SOX5: variants seen among roughly 807,000 people sequenced by gnomAD.
The protein encoded by SOX5 is SRY-box transcription factor 5.
A neutral mutation model predicts 92.0 loss-of-function variants in SOX5; 9 were observed. The observed-to-expected ratio is 0.10, with a 90% CI of 0.06 to 0.17. SOX5 has a LOEUF of 0.17. Ranked by LOEUF, SOX5 falls within the 10% of genes least tolerant of loss-of-function variation. The pLI, the probability that SOX5 is intolerant of heterozygous loss-of-function variation, is 1.00. For synonymous variants in SOX5, 344 were observed against 336.3 expected (o/e 1.02, Z -0.25); for missense variants, 642 against 944.5 (o/e 0.68, Z 4.20).
At chr12:23,827,823 C>T (rs2096256134) in intron 3 of SOX5, among the ~76,000 whole-genome samples, 1 of 152,090 alleles carries the variant, frequency 6.6e-6, no homozygotes. Context: ...AATTGTCTAC[C>T]TCTTTCAATT....
Position 23,858,845 on chromosome 12 carries a change from G to A in SOX5, c.271-12652C>T, listed in dbSNP as rs754086829. 1.1e-4 allele frequency among the ~76,000 whole-genome samples: 17 copies of A among 152,290 alleles called. No homozygotes were observed. The South Asian group carries it at 3.5e-3, about 32-fold the overall frequency. On this transcript the variant is annotated intron_variant, in intron 2 of 14. Coordinates refer to ENST00000451604, the MANE Select transcript of SOX5 (RefSeq NM_006940.6). ...AGAACATAAACTGTGAAGATTTCATGGACATTTATTAGTTCCCCAAACTAA... is the reference window on the plus strand; with the variant it reads ...AGAACATAAACTGTGAAGATTTCATAGACATTTATTAGTTCCCCAAACTAA...
intron 3 of SOX5, among the ~76,000 whole-genome samples, chr12:23,818,429 CACATATATAGG>C (rs2142643648): frequency 6.6e-6 from 1 of 152,172 alleles, no homozygotes; most frequent in South Asian, 2.1e-4. Flanking sequence ...AAAAGTGATA[CACATATATAGG>C]GTATTTACTA....
intron 1 of SOX5, among the ~76,000 whole-genome samples, chr12:24,389,494 T>C (rs981915024): frequency 6.6e-6 from 1 of 152,210 alleles, no homozygotes; most frequent in Non-Finnish European, 1.5e-5. Flanking sequence ...CCATGGTGAT[T>C]TGCTGCACAG....
At chr12:24,418,671 C>T (rs1284509537) in intron 1 of SOX5, among the ~76,000 whole-genome samples, 1 of 152,162 alleles carries the variant, frequency 6.6e-6, no homozygotes, top group Non-Finnish European at 1.5e-5. Flanking sequence ...CAATAATCTG[C>T]CCCATCTTTA....
At chr12:24,163,305 G>T (rs1478206120) in intron 4 of SOX5, among the ~76,000 whole-genome samples, 2 of 152,112 alleles carry the variant, frequency 1.3e-5, no homozygotes, top group Admixed American at 1.3e-4. Flanking sequence ...CTGTTATTTT[G>T]AAGTGCTCCT....
intron 4 of SOX5, among the ~76,000 whole-genome samples, chr12:24,134,148 A>C (rs1949907755): frequency 6.6e-6 from 1 of 152,196 alleles, no homozygotes; most frequent in African/African-American, 2.4e-5. Flanking sequence ...TTAATGTTTA[A>C]ATTGAGACAA....
chr12:23,793,867 G>C (rs1045925905), intron 3 of SOX5, among the ~76,000 whole-genome samples: 3 of 152,136 alleles, frequency 2.0e-5, no homozygotes, highest in Non-Finnish European at 4.4e-5. Flanking sequence ...TCAAGACACT[G>C]AGAATGCATT....
intron 4 of SOX5, among the ~76,000 whole-genome samples, chr12:24,207,164 C>T (rs778214167): frequency 5.3e-5 from 8 of 152,096 alleles, no homozygotes; most frequent in Non-Finnish European, 1.0e-4. Context: ...TTACTGTAAG[C>T]GTCTAAATGA....
Position 24,112,396 on chromosome 12 carries a change from A to G in SOX5, c.-2+100947T>C. On this transcript the variant is annotated intron_variant, in intron 4 of 4. Coordinates refer to the SOX5 transcript ENST00000446891. ...TTCCAACAGAAATGGTCTAGCCCTC[A>G]AAACCTAAAATGTTTACTCTCTGGT... 1.3e-5 allele frequency among the ~76,000 whole-genome samples: 2 copies of G among 152,248 alleles called. 1 individual carries two copies. The highest frequency in any genetic ancestry group is 4.1e-4 in the South Asian group (2 of 4,826).
intron 4 of SOX5, among the ~76,000 whole-genome samples, chr12:24,204,166 T>C (rs1957799408): frequency 6.6e-6 from 1 of 152,102 alleles, no homozygotes; most frequent in South Asian, 2.1e-4. Context: ...TACTTTCTTA[T>C]TTTACTTCCA....
intron 4 of SOX5, among the ~76,000 whole-genome samples, chr12:24,069,433 T>C (rs1941417083): frequency 6.6e-6 from 1 of 152,188 alleles, no homozygotes; most frequent in Admixed American, 6.5e-5. Context: ...AGCAACTGTG[T>C]AATTAAAATA....
intron 4 of SOX5, among the ~76,000 whole-genome samples, chr12:24,001,690 C>A (rs1326159208): frequency 6.6e-6 from 1 of 152,062 alleles, no homozygotes; most frequent in African/African-American, 2.4e-5. Context: ...AATCTGTACA[C>A]CACTAATAAT....
chr12:23,711,633 A>T lies in SOX5; in HGVS notation c.810+23051T>A, dbSNP rs116446728. On this transcript the variant is annotated intron_variant, in intron 6 of 14. Coordinates refer to ENST00000451604, the MANE Select transcript of SOX5 (RefSeq NM_006940.6). ...ATAAACTTGATATAGCTTATAAAAC[A>T]CATGATGAAATATTTGTTATACGTA... Among the ~76,000 whole-genome samples the T allele has an allele frequency of 2.0e-5, 3 of 152,300 alleles. No homozygotes were observed. The East Asian group carries it at 5.8e-4, about 29-fold the overall frequency.
chr12:23,771,187 C>CAAAAAA (rs376988688), intron 3 of SOX5, among the ~76,000 whole-genome samples: 10 of 108,546 alleles, frequency 9.2e-5, no homozygotes, highest in Non-Finnish European at 1.1e-4. Context: ...AAAAATGGAG[C>CAAAAAA]AAAAAAAAAA....
At chr12:24,533,207 C>T (rs1951342468) in intron 1 of SOX5, among the ~76,000 whole-genome samples, 1 of 151,916 alleles carries the variant, frequency 6.6e-6, no homozygotes, top group South Asian at 2.1e-4. Context: ...GGAATTAATC[C>T]ATGGTCAATT....
chr12:24,385,797 T>A (rs1235230822), intron 1 of SOX5, among the ~76,000 whole-genome samples: 1 of 151,858 alleles, frequency 6.6e-6, no homozygotes, highest in Non-Finnish European at 1.5e-5. Context: ...CTGGTCATGG[T>A]GGTGCATTTC....
intron 3 of SOX5, among the ~76,000 whole-genome samples, chr12:23,804,724 T>G (rs1266433882): frequency 1.3e-5 from 2 of 151,666 alleles, no homozygotes; most frequent in Non-Finnish European, 2.9e-5. Context: ...AGCCCTGGTG[T>G]CCTCCCCTGA....
At chr12:24,060,224 T>C (rs1291541385) in intron 4 of SOX5, among the ~76,000 whole-genome samples, 1 of 152,238 alleles carries the variant, frequency 6.6e-6, no homozygotes, top group African/African-American at 2.4e-5. Context: ...ACCTTCACAA[T>C]AGCACTATGA....
chr12:24,056,900 G>A (rs1403824678), intron 4 of SOX5, among the ~76,000 whole-genome samples: 3 of 140,220 alleles, frequency 2.1e-5, no homozygotes, highest in Non-Finnish European at 4.7e-5. Flanking sequence ...GCGTGAACCC[G>A]GGAGGCGGAG....
Sources: gnomAD v4.1 joint callset for allele counts (sites outside exome capture counted in the v4.1 genomes callset) on GRCh38, gnomAD v4.1.1 for gene constraint, MANE v1.5 for transcripts, NCBI Gene and HGNC (gene_info 2026-07-23, HGNC 2026-07-21) for gene names.